APTX: variants seen among roughly 807,000 people sequenced by gnomAD.
The protein encoded by APTX is aprataxin.
A neutral mutation model predicts 42.3 loss-of-function variants in APTX; 33 were observed. The observed-to-expected ratio is 0.78, with a 90% CI of 0.59 to 1.04. APTX has a LOEUF of 1.04. APTX is among the 50% of genes least tolerant of loss of function. The pLI is 0.00. For missense variants in APTX, 421 were observed against 415.1 expected (o/e 1.01, Z -0.12); for synonymous variants, 130 against 146.7 (o/e 0.89, Z 0.82).
At chr9:32,988,020 C>T (rs1563968638) in intron 3 of APTX, 63 bp downstream of exon 3, 1 of 1,572,180 alleles carries the variant, frequency 6.4e-7, no homozygotes, top group Non-Finnish European at 8.8e-7. Context: ...GGCACAGACA[C>T]TCTAAAGTCA....
At chr9:32,980,042 G>T (rs929972135) in intron 6 of APTX, 1 of 154,638 alleles carries the variant, frequency 6.5e-6, no homozygotes, top group African/African-American at 2.4e-5. Flanking sequence ...GATGAAACAC[G>T]AGTATCTAGA....
intron 1 of APTX, among the ~76,000 whole-genome samples, chr9:33,000,421 GTT>G (rs1342900852): frequency 6.6e-6 from 1 of 152,046 alleles, no homozygotes; most frequent in Admixed American, 6.6e-5. Context: ...GAGGTCAGGA[GTT>G]TGAGACCAGC....
chr9:32,991,402 G>A (rs1479860268), intron 1 of APTX, among the ~76,000 whole-genome samples: 2 of 152,188 alleles, frequency 1.3e-5, no homozygotes, highest in African/African-American at 4.8e-5. Flanking sequence ...AATGGCCGAA[G>A]CAAAGGGGAT....
At position 32,991,911 on chromosome 9, in the gene APTX, A is replaced by C. The variant is rs552590408; in HGVS notation, c.-4-2016T>G. Reference sequence around the variant, plus strand: ...AAGTGAAGAGAGAAGGACCAATTTCATATTGAAATGTAATTATTTTAAGTT... The same window carrying C: ...AAGTGAAGAGAGAAGGACCAATTTCCTATTGAAATGTAATTATTTTAAGTT... On this transcript the variant is annotated intron_variant, in intron 1 of 7. Transcript: ENST00000379817. 1.4e-4 allele frequency among the ~76,000 whole-genome samples: 21 copies of C among 152,362 alleles called. No individual in the cohort carries two copies. The South Asian group carries it at 4.4e-3, about 32-fold the overall frequency.
intron 4 of APTX, 191 bp from the exon 5 acceptor site, chr9:32,986,221 CT>C (rs903896685): frequency 4.4e-4 from 310 of 705,218 alleles, no homozygotes; most frequent in Middle Eastern, 8.5e-4. Context: ...CCTATATTCT[CT>C]TTTTTTTTGA....
chr9:32,989,519 T>C, intron 2 of APTX: 2 of 644,052 alleles, frequency 3.1e-6, no homozygotes, highest in South Asian at 1.5e-5. Context: ...CACCATCCCA[T>C]GGTAACAGTA....
In APTX at chr9:32,973,477, A is replaced by G. The variant is rs1446879003; in HGVS notation, c.*21T>C. 1 of 1,613,670 alleles carries G rather than the reference A, an allele frequency of 6.2e-7. No homozygotes were observed. The highest frequency in any genetic ancestry group is 8.5e-7 in the Non-Finnish European group (1 of 1,179,940). On this transcript the variant is annotated 3_prime_UTR_variant, in exon 8 of 8. Coordinates refer to ENST00000379817, the MANE Select transcript of APTX (RefSeq NM_001195248.2). ...TTGCTCCAGTGGGCCACACCACAGC[A>G]GCAGCTCAGGCTCTGCAGAATCACT...
chr9:33,004,310 T>G (rs1836967391), upstream of APTX, among the ~76,000 whole-genome samples: 1 of 152,184 alleles, frequency 6.6e-6, no homozygotes, highest in Admixed American at 6.5e-5. Flanking sequence ...TTTAAAAAAC[T>G]ACATATTGGG....
chr9:33,001,537 G>A (rs759275415), intron 1 of APTX, 30 bp downstream of exon 1: 1 of 1,613,512 alleles, frequency 6.2e-7, no homozygotes, highest in Admixed American at 1.7e-5. Context: ...AGCCCAGCCA[G>A]CAGAAGAGAT....
At position 32,973,611 on chromosome 9, in the gene APTX, G is replaced by C. The variant is rs746541090; in HGVS notation, c.916C>G (p.Arg306Gly). The change falls in exon 8 of 8, where the codon CGA (arginine) becomes GGA (glycine). Residue 306 changes from arginine to glycine, a missense_variant. Transcript: ENST00000379817. Reference protein sequence around the residue: ...MVQEAGRVTVRDGMPELLKLP... With the variant: ...MVQEAGRVTVGDGMPELLKLP... ...TTCAAGAGCTCAGGCATCCCATCTC[G>C]GACAGTTACTCTACCAGCCTCTTGT... 3.1e-6 allele frequency: 5 copies of C among 1,613,372 alleles called. No homozygotes were observed. The South Asian group carries it at 4.4e-5, about 14-fold the overall frequency.
intron 1 of APTX, among the ~76,000 whole-genome samples, chr9:33,022,172 G>A (rs1308339842): frequency 6.6e-6 from 1 of 151,812 alleles, no homozygotes; most frequent in Non-Finnish European, 1.5e-5. Context: ...AAAAAGCGAA[G>A]AATATACTAA....
At chr9:33,013,753 G>A (rs1211813324) in intron 1 of APTX, among the ~76,000 whole-genome samples, 3 of 152,192 alleles carry the variant, frequency 2.0e-5, no homozygotes, top group African/African-American at 4.8e-5. Context: ...GCAGTGAGCC[G>A]AGATTGCGCC....
upstream of APTX, among the ~76,000 whole-genome samples, chr9:33,002,551 C>T (rs1373823058): frequency 6.6e-6 from 1 of 152,162 alleles, no homozygotes; most frequent in Non-Finnish European, 1.5e-5. Flanking sequence ...GCCAGAAACT[C>T]CTTTACCCCG....
chr9:32,972,996 A>G lies in APTX; in HGVS notation c.*502T>C, dbSNP rs574067595. ...ATAGAAGGGCATGGAAGGACTGGAC[A>G]AACTAAGCCTCCCCATGAAGGAAGG... is the stretch of plus-strand genomic sequence containing the variant. On this transcript the variant is annotated 3_prime_UTR_variant, in exon 8 of 8. Transcript: ENST00000379817. 4.4e-6 allele frequency: 2 copies of G among 454,134 alleles called. No homozygotes were observed. Among genetic ancestry groups the G allele is most frequent in the Admixed American group, 4.7e-5 (2 of 42,566 alleles). 28.1% of individuals were successfully genotyped at this position (454,134 alleles called of 1,614,324 possible).
chr9:33,013,679 T>C (rs926373631), intron 1 of APTX, among the ~76,000 whole-genome samples: 1 of 152,074 alleles, frequency 6.6e-6, no homozygotes, highest in Non-Finnish European at 1.5e-5. Flanking sequence ...TGGTGGCAGG[T>C]GCCTGTAGTC....
intron 1 of APTX, among the ~76,000 whole-genome samples, chr9:33,023,057 G>C (rs1442974491): frequency 6.6e-6 from 1 of 152,050 alleles, no homozygotes; most frequent in East Asian, 1.9e-4. Context: ...TCAAACTCCG[G>C]GACTCAAGGG....
At chr9:32,995,887 CAAAAA>C (rs75109627) in intron 1 of APTX, among the ~76,000 whole-genome samples, 1 of 100,694 alleles carries the variant, frequency 9.9e-6, no homozygotes, top group Non-Finnish European at 1.9e-5. Flanking sequence ...GTCTCCGTCT[CAAAAA>C]AAAAAAAAAA....
intron 1 of APTX, among the ~76,000 whole-genome samples, chr9:32,994,743 G>A (rs1001721294): frequency 6.6e-6 from 1 of 152,230 alleles, no homozygotes; most frequent in Non-Finnish European, 1.5e-5. Context: ...GCTACTGGAA[G>A]AAAATGCCAT....
rs377547795 is a variant in APTX, at chr9:33,024,358, C to T, written c.-5+665G>A. ...TAGATACTGACATACCTGCTGTGTC[C>T]CTGGATAAAGAAGCGGACCCCAATT... is the stretch of plus-strand genomic sequence containing the variant. On this transcript the variant is annotated intron_variant, in intron 1 of 6. Transcript: ENST00000436040. Among the ~76,000 whole-genome samples the T allele has an allele frequency of 2.6e-5, 4 of 152,266 alleles. No individual in the cohort carries two copies. In the East Asian group the frequency reaches 5.8e-4, roughly 22 times the overall value.
Sources: gnomAD v4.1 joint callset for allele counts (sites outside exome capture counted in the v4.1 genomes callset) on GRCh38, gnomAD v4.1.1 for gene constraint, MANE v1.5 for transcripts, NCBI Gene and HGNC (gene_info 2026-07-23, HGNC 2026-07-21) for gene names.